GDF6: variants seen among roughly 807,000 people sequenced by gnomAD.
GDF6 encodes the protein growth/differentiation factor 6.
A neutral mutation model predicts 32.4 loss-of-function variants in GDF6; 3 were observed. That is an observed-to-expected ratio of 0.09 (90% confidence interval 0.04 to 0.24). The LOEUF is 0.24. Ranked by LOEUF, GDF6 falls within the 10% of genes least tolerant of loss-of-function variation. The pLI is 1.00. For missense variants in GDF6, 589 were observed against 637.9 expected (o/e 0.92, Z 0.83); for synonymous variants, 296 against 295.3 (o/e 1.00, Z -0.03).
In GDF6 at chr8:96,144,505, C is replaced by A. The variant is rs886063207; in HGVS notation, c.*58G>T. The stretch of plus-strand genomic sequence containing the variant: ...CCGCCTCTCTGCAGCCAGGCCTCCC[C>A]TGCAAGGCGGACCTTGGCCCACCTT... On this transcript the variant is annotated 3_prime_UTR_variant, in exon 2 of 2. Coordinates refer to ENST00000287020, the MANE Select transcript of GDF6 (RefSeq NM_001001557.4). This position sits in a 1 kb window ranked among gnomAD's most constrained non-coding sequence, Gnocchi z 5.1. The A allele has an allele frequency of 1.9e-6, 3 of 1,592,882 alleles. No individual in the cohort carries two copies. The highest frequency in any genetic ancestry group is 2.6e-6 in the Non-Finnish European group (3 of 1,170,518).
rs1563507193 is a variant in GDF6, at chr8:96,142,655, A to G, written c.*1908T>C. ...ATATAACGTTTTGTACATTAGGATG[A>G]ATTGCATGCTGTCCATTTCCTCTTT... On this transcript the variant is annotated 3_prime_UTR_variant, in exon 2 of 2. Coordinates refer to ENST00000287020, the MANE Select transcript of GDF6 (RefSeq NM_001001557.4). 2 of 152,680 alleles carry G rather than the reference A, an allele frequency of 1.3e-5. No homozygotes were observed. The highest frequency in any genetic ancestry group is 2.4e-5 in the African/African-American group (1 of 41,466). The allele number at this position is 152,680 out of a possible 1,614,324, so 9.5% of individuals were successfully genotyped here. A position where few individuals can be genotyped will look rare whatever the true frequency, so the allele number is the denominator to read the frequency against.
rs1370445465 is a variant in GDF6 at position 96,144,289 on chromosome 8, A to AGAGAGG, written c.*273_*274insCCTCTC. On this transcript the variant is annotated 3_prime_UTR_variant, in exon 2 of 2. Transcript: ENST00000287020. This position sits in a 1 kb window ranked among gnomAD's most constrained non-coding sequence, Gnocchi z 5.1. ...GAGAGAGAGAGAGAGAGAGAGAGAGAGAAAACAGAACAAAAGAAATCCTCC... is the reference window on the plus strand; with the variant it reads ...GAGAGAGAGAGAGAGAGAGAGAGAGAGAGAGGGAAAACAGAACAAAAGAAATCCTCC... 3.7e-4 allele frequency: 182 copies of AGAGAGG among 495,972 alleles called. 2 individuals are homozygous for AGAGAGG. In the African/African-American group the frequency reaches 3.8e-3, roughly 10 times the overall value. The allele number at this position is 495,972 out of a possible 1,614,324, so 30.7% of individuals were successfully genotyped here.
Position 96,144,946 on chromosome 8 carries a change from G to A in GDF6, c.985C>T (p.Pro329Ser). ...GCCGTGCGCCGCCGCCGGCGGCCGG[G>A]CGAGGGCAGCCAAGGCCTGGCATCC... Reference protein sequence around the residue: ...APDARPWLPSPGRRRRRTAFA... With the variant: ...APDARPWLPSSGRRRRRTAFA... The change falls in exon 2 of 2, where the codon CCC (proline) becomes TCC (serine). Residue 329 changes from proline (P) to serine (S), a missense_variant. Pro to Ser is a moderately conservative substitution (Grantham distance 74). Around this residue, in one of 2 missense-constraint regions of GDF6, gnomAD observed 153 missense variants for 226.7 expected, o/e 0.67. Coordinates refer to ENST00000287020, the MANE Select transcript of GDF6 (RefSeq NM_001001557.4). This position sits in a 1 kb window ranked among gnomAD's most constrained non-coding sequence, Gnocchi z 5.1. The A allele has an allele frequency of 1.3e-6, 2 of 1,559,628 alleles. No homozygotes were observed. The highest frequency in any genetic ancestry group is 1.7e-6 in the Non-Finnish European group (2 of 1,153,682).
chr8:96,155,739 C>G (rs1812650052), intron 1 of GDF6, among the ~76,000 whole-genome samples: 1 of 152,228 alleles, frequency 6.6e-6, no homozygotes, highest in Non-Finnish European at 1.5e-5. Flanking sequence ...GGGACTCAAA[C>G]AAATCGAATA....
At chr8:96,146,427 C>T (rs549700683) in intron 1 of GDF6, among the ~76,000 whole-genome samples, 2 of 151,756 alleles carry the variant, frequency 1.3e-5, no homozygotes, top group East Asian at 1.9e-4. Flanking sequence ...GCCCATCAGG[C>T]GGTTTTGGTG....
In GDF6 at chr8:96,146,703, CACACAG is replaced by C. The variant is rs772502408; in HGVS notation, c.407-1185_407-1180del. On this transcript the variant is annotated intron_variant, in intron 1 of 1. Coordinates refer to ENST00000287020, the MANE Select transcript of GDF6 (RefSeq NM_001001557.4). The stretch of plus-strand genomic sequence containing the variant: ...AGATACACACACACACACACACACA[CACACAG>C]AGAGAGAGAGAGAGAGATAGAGAGA... 1.6e-3 allele frequency among the ~76,000 whole-genome samples: 210 copies of C among 134,618 alleles called. 1 individual carries two copies. Among genetic ancestry groups the C allele is most frequent in the African/African-American group, 6.3e-3 (193 of 30,486 alleles). 88.3% of individuals were successfully genotyped at this position (134,618 alleles called of 152,430 possible). A position where few individuals can be genotyped will look rare whatever the true frequency, so the allele number is the denominator to read the frequency against.
chr8:96,160,570 C>G lies in GDF6; in HGVS notation c.123G>C (p.Lys41Asn). Residue 41 changes from lysine to asparagine, a missense_variant, in exon 1 of 2, where the codon AAG (lysine) becomes AAC (asparagine). This residue lies in a region of GDF6 where 436 missense variants were observed against 411.2 expected (regional missense o/e 1.06). Coordinates refer to ENST00000287020, the MANE Select transcript of GDF6 (RefSeq NM_001001557.4). ...TGCCTTCCTTGCGGCTTCGCATGCC[C>G]TTGGTGGAACCCAGCTCGGCGGACG... The part of the protein sequence containing the change: ...SSSSAELGST[K>N]GMRSRKEGKM... 6.2e-7 allele frequency: 1 copy of G among 1,613,730 alleles called. No homozygotes were observed. The highest frequency in any genetic ancestry group is 8.5e-7 in the Non-Finnish European group (1 of 1,179,732).
At position 96,144,892 on chromosome 8, in the gene GDF6, C is replaced by A; in HGVS notation, c.1039G>T (p.Gly347Cys). 1 of 1,613,130 alleles carries A rather than the reference C, an allele frequency of 6.2e-7. No individual in the cohort carries two copies. The highest frequency in any genetic ancestry group is 8.5e-7 in the Non-Finnish European group (1 of 1,179,656). Residue 347 changes from glycine (G) to cysteine (C), a missense_variant, in exon 2 of 2, where the codon GGC (glycine) becomes TGC (cysteine). Gly to Cys is a radical substitution (Grantham distance 159, BLOSUM62 -3). Around this residue, in one of 2 missense-constraint regions of GDF6, gnomAD observed 153 missense variants for 226.7 expected, o/e 0.67. Coordinates refer to ENST00000287020, the MANE Select transcript of GDF6 (RefSeq NM_001001557.4). This position sits in a 1 kb window ranked among gnomAD's most constrained non-coding sequence, Gnocchi z 5.1. ...AFASRHGKRH[G>C]KKSRLRCSKK... ...CTGCAGCGTAGCCTGGACTTCTTGC[C>A]GTGCCGCTTGCCATGGCGACTGGCG... is the stretch of plus-strand genomic sequence containing the variant.
At chr8:96,159,903 A>G (rs1047850273) in intron 1 of GDF6, among the ~76,000 whole-genome samples, 10 of 152,122 alleles carry the variant, frequency 6.6e-5, no homozygotes, top group South Asian at 2.1e-4. Context: ...TGGACTGCGA[A>G]CCCAGTATCC....
intron 1 of GDF6, among the ~76,000 whole-genome samples, chr8:96,151,980 T>C (rs1230610990): frequency 6.6e-6 from 1 of 152,208 alleles, no homozygotes; most frequent in Non-Finnish European, 1.5e-5. Flanking sequence ...GTCCAGTGAA[T>C]GCAGCCAATA....
chr8:96,142,490 C>T lies in GDF6; in HGVS notation c.*2073G>A, dbSNP rs1243059136. On this transcript the variant is annotated 3_prime_UTR_variant, in exon 2 of 2. Coordinates refer to ENST00000287020, the MANE Select transcript of GDF6 (RefSeq NM_001001557.4). ...GGTAGACAGTTTAAAAAAAACTCTC[C>T]ATTAGACAGACTTAAAATTTTGTAA... The T allele has an allele frequency of 3.3e-5, 5 of 152,340 alleles. No homozygotes were observed. Among genetic ancestry groups the T allele is most frequent in the African/African-American group, 1.2e-4 (5 of 41,394 alleles). The allele number at this position is 152,340 out of a possible 1,614,324, so 9.4% of individuals were successfully genotyped here. A position where few individuals can be genotyped will look rare whatever the true frequency, so the allele number is the denominator to read the frequency against.
chr8:96,152,033 CCTT>C (rs1384739210), intron 1 of GDF6, among the ~76,000 whole-genome samples: 3 of 152,200 alleles, frequency 2.0e-5, no homozygotes, highest in Non-Finnish European at 4.4e-5. Context: ...GTGCACCTGT[CCTT>C]CTCTTGACTT....
chr8:96,145,051 G>T lies in GDF6; in HGVS notation c.880C>A (p.Arg294Ser). 6.7e-7 allele frequency: 1 copy of T among 1,482,284 alleles called. No homozygotes were observed. Among genetic ancestry groups the T allele is most frequent in the Admixed American group, 2.2e-5 (1 of 46,408 alleles). The allele number at this position is 1,482,284 out of a possible 1,614,324, so 91.8% of individuals were successfully genotyped here. ...SQRKNLFAEMREQLGSAEAAG... is the reference protein window; with the variant it reads ...SQRKNLFAEMSEQLGSAEAAG... ...GCCTCGGCCGAGCCCAGCTGCTCGC[G>T]CATCTCTGCGAACAGGTTCTTGCGC... Residue 294 changes from arginine (R) to serine (S), a missense_variant, in exon 2 of 2, where the codon CGC (arginine) becomes AGC (serine). Physicochemically the swap from Arg to Ser is moderately radical, Grantham distance 110 (BLOSUM62 -1). Transcript: ENST00000287020. The surrounding 1 kb of genome is among the most constrained non-coding windows in gnomAD (Gnocchi z 5.6).
At chr8:96,151,222 C>A (rs1317822120) in intron 1 of GDF6, among the ~76,000 whole-genome samples, 1 of 152,238 alleles carries the variant, frequency 6.6e-6, no homozygotes, top group East Asian at 1.9e-4. Flanking sequence ...ATACAATTCA[C>A]CCTTTCCAGG....
Position 96,144,129 on chromosome 8 carries a change from T to G in GDF6, c.*434A>C. 5.1e-6 allele frequency: 1 copy of G among 196,680 alleles called. No individual in the cohort carries two copies. Among genetic ancestry groups the G allele is most frequent in the Non-Finnish European group, 1.1e-5 (1 of 93,988 alleles). The allele number at this position is 196,680 out of a possible 1,614,324, so 12.2% of individuals were successfully genotyped here. On this transcript the variant is annotated 3_prime_UTR_variant, in exon 2 of 2. Transcript: ENST00000287020. This position sits in a 1 kb window ranked among gnomAD's most constrained non-coding sequence, Gnocchi z 5.1. The stretch of plus-strand genomic sequence containing the variant: ...TCTTCCTCCCACATTGTTTCCCTTT[T>G]TAAACTGTTATTTTTTCAATCCATG...
intron 1 of GDF6, among the ~76,000 whole-genome samples, chr8:96,159,912 C>A (rs542610207): frequency 6.6e-5 from 10 of 152,318 alleles, no homozygotes; most frequent in African/African-American, 2.2e-4. Context: ...AACCCAGTAT[C>A]CCGAGACACC....
intron 1 of GDF6, among the ~76,000 whole-genome samples, chr8:96,158,959 CG>C (rs1185408547): frequency 1.5e-5 from 2 of 131,872 alleles, no homozygotes; most frequent in East Asian, 5.0e-4. Context: ...GAGTGAGAGG[CG>C]GGGACTGGAG....
rs387906794 is a variant in GDF6 at position 96,145,336 on chromosome 8, C to T, written c.595G>A (p.Ala199Thr). The T allele has an allele frequency of 2.1e-5, 33 of 1,540,462 alleles. No individual in the cohort carries two copies. Among genetic ancestry groups the T allele is most frequent in the Middle Eastern group, 3.6e-4 (2 of 5,580 alleles). The change falls in exon 2 of 2, where the codon GCG becomes ACG. Residue 199 changes from alanine to threonine, a missense_variant. Coordinates refer to ENST00000287020, the MANE Select transcript of GDF6 (RefSeq NM_001001557.4). The surrounding 1 kb of genome is among the most constrained non-coding windows in gnomAD (Gnocchi z 5.6). Reference protein sequence around the residue: ...FPCLSPLLLDARTLDPQGAPP... With the variant: ...FPCLSPLLLDTRTLDPQGAPP... ...GCCCCCTGCGGGTCCAGGGTCCGCG[C>T]GTCCAGCAGTAGGGGCGAAAGGCAA...
At position 96,144,291 on chromosome 8, in the gene GDF6, A is replaced by AGGGAGAG. The variant is rs1554571161; in HGVS notation, c.*271_*272insCTCTCCC. 2.1e-6 allele frequency: 1 copy of AGGGAGAG among 485,046 alleles called. No homozygotes were observed. Among genetic ancestry groups the AGGGAGAG allele is most frequent in the African/African-American group, 2.4e-5 (1 of 41,078 alleles). 30.0% of individuals were successfully genotyped at this position (485,046 alleles called of 1,614,324 possible). A position where few individuals can be genotyped will look rare whatever the true frequency, so the allele number is the denominator to read the frequency against. On this transcript the variant is annotated 3_prime_UTR_variant, in exon 2 of 2. Transcript: ENST00000287020. This position sits in a 1 kb window ranked among gnomAD's most constrained non-coding sequence, Gnocchi z 5.1. ...GAGAGAGAGAGAGAGAGAGAGAGAGAAAACAGAACAAAAGAAATCCTCCTT... is the reference window on the plus strand; with the variant it reads ...GAGAGAGAGAGAGAGAGAGAGAGAGAGGGAGAGAAACAGAACAAAAGAAATCCTCCTT...
Sources: gnomAD v4.1 joint callset for allele counts (sites outside exome capture counted in the v4.1 genomes callset) on GRCh38, gnomAD v4.1.1 for gene constraint, gnomAD v4.1.1 regional missense constraint, Gnocchi (gnomAD v3.1) non-coding constraint, MANE v1.5 for transcripts, NCBI Gene and HGNC (gene_info 2026-07-23, HGNC 2026-07-21) for gene names.